The following CPE variants were observed in gnomAD, a reference collection of about 807,000 sequenced individuals.
The protein encoded by CPE is carboxypeptidase E.
Under a neutral mutation model 53.5 loss-of-function variants are expected in CPE, and 17 were observed. The ratio of observed to expected loss-of-function variants is 0.32; its 90% CI spans 0.22 to 0.48. CPE has a LOEUF of 0.48. Ranked by LOEUF, CPE falls within the 20% of genes least tolerant of loss-of-function variation. The pLI is 0.99. For synonymous variants in CPE, 226 were observed against 228.8 expected (o/e 0.99, Z 0.11); for missense variants, 524 against 614.7 (o/e 0.85, Z 1.56).
chr4:165,438,675 A>T (rs1256054899), intron 1 of CPE, among the ~76,000 whole-genome samples: 2 of 152,244 alleles, frequency 1.3e-5, no homozygotes, highest in Admixed American at 6.5e-5. Context: ...ACATGGTTTT[A>T]AAAAGATGAA....
chr4:165,472,228 G>A (rs1732219577), intron 3 of CPE, among the ~76,000 whole-genome samples: 1 of 152,194 alleles, frequency 6.6e-6, no homozygotes, highest in African/African-American at 2.4e-5. Context: ...AGCTCTCCAT[G>A]AGAGTCCTGA....
In CPE at chr4:165,431,450, G is replaced by A. The variant is rs549312522; in HGVS notation, c.308-32940G>A. Among the ~76,000 whole-genome samples the A allele has an allele frequency of 7.0e-4, 106 of 152,278 alleles. 1 individual carries two copies. Among genetic ancestry groups the A allele is most frequent in the African/African-American group, 2.4e-3 (99 of 41,552 alleles). ...AAATTATGTTTAGGGCACAAACTAT[G>A]TTTAGGGCACTAGGCCAGGTAGTTT... is the stretch of plus-strand genomic sequence containing the variant. On this transcript the variant is annotated intron_variant, in intron 1 of 8. Coordinates refer to ENST00000402744, the MANE Select transcript of CPE (RefSeq NM_001873.4).
At chr4:165,464,198 C>T (rs1003367285) in intron 1 of CPE, among the ~76,000 whole-genome samples, 192 bp from the exon 2 acceptor site, 4 of 152,080 alleles carry the variant, frequency 2.6e-5, no homozygotes, top group African/African-American at 9.7e-5. Flanking sequence ...CAGTCCATAA[C>T]AGGTGGGTAG....
intron 1 of CPE, among the ~76,000 whole-genome samples, chr4:165,409,194 T>C (rs1730998175): frequency 6.7e-6 from 1 of 149,556 alleles, no homozygotes; most frequent in Admixed American, 6.6e-5. Context: ...GGGAAAGTGA[T>C]GGGAGTGAGG....
chr4:165,416,883 T>C (rs72703611), intron 1 of CPE, among the ~76,000 whole-genome samples: 6,953 of 151,932 alleles, frequency 0.046, 241 homozygotes, highest in East Asian at 0.15. Flanking sequence ...CAGTGGGGAC[T>C]CAGAAAATAT....
At chr4:165,447,826 T>A (rs1731744052) in intron 1 of CPE, among the ~76,000 whole-genome samples, 1 of 152,000 alleles carries the variant, frequency 6.6e-6, no homozygotes, top group Admixed American at 6.6e-5. Context: ...ATTCTTTTTT[T>A]AAAAAAACAA....
intron 1 of CPE, among the ~76,000 whole-genome samples, chr4:165,420,612 T>C (rs1303162834): frequency 6.6e-6 from 1 of 152,096 alleles, no homozygotes; most frequent in African/African-American, 2.4e-5. Context: ...ACAGTGTTGG[T>C]ACTTTATATT....
intron 1 of CPE, among the ~76,000 whole-genome samples, chr4:165,451,836 T>C (rs1731817303): frequency 6.6e-6 from 1 of 152,090 alleles, no homozygotes; most frequent in African/African-American, 2.4e-5. Flanking sequence ...AAACCGAGGC[T>C]AGGGGTTATT....
Position 165,382,410 on chromosome 4 carries a change from C to G in CPE, c.307+2882C>G, listed in dbSNP as rs143961340. Among the ~76,000 whole-genome samples, 512 of 152,252 alleles carry G rather than the reference C, an allele frequency of 3.4e-3. 7 individuals carry two copies. Among genetic ancestry groups the G allele is most frequent in the African/African-American group, 9.4e-3 (390 of 41,540 alleles). On this transcript the variant is annotated intron_variant, in intron 1 of 8. Coordinates refer to ENST00000402744, the MANE Select transcript of CPE (RefSeq NM_001873.4). ...TACCTTATTTTTTGGTTTGAAATAA[C>G]CTTTCTGATTCAGCTTTAGGAAATA...
chr4:165,381,552 A>G (rs745459876), intron 1 of CPE: 3 of 267,240 alleles, frequency 1.1e-5, no homozygotes, highest in Non-Finnish European at 2.2e-5. Context: ...ATTCCTTTTT[A>G]AATGAAGGAG....
chr4:165,441,683 G>A (rs75086927), intron 1 of CPE, among the ~76,000 whole-genome samples: 1,926 of 152,258 alleles, frequency 0.013, 29 homozygotes, highest in African/African-American at 0.033. Flanking sequence ...GAGTCAAAAT[G>A]TTGAGTTCAA....
At chr4:165,471,045 G>T (rs1293473224) in intron 3 of CPE, among the ~76,000 whole-genome samples, 1 of 152,154 alleles carries the variant, frequency 6.6e-6, no homozygotes. Flanking sequence ...TGGCCTGAAG[G>T]CAAGAGGAGA....
At chr4:165,493,026 T>G in intron 6 of CPE, 145 bp from the exon 7 acceptor site, 1 of 534,924 alleles carries the variant, frequency 1.9e-6, no homozygotes. Context: ...TTCAGTGGCC[T>G]TTTGTGCATG....
intron 1 of CPE, among the ~76,000 whole-genome samples, chr4:165,460,935 T>G (rs1050164520): frequency 1.3e-5 from 2 of 151,480 alleles, no homozygotes; most frequent in Admixed American, 1.3e-4. Flanking sequence ...ACTACATTGA[T>G]GAATGTATAT....
At chr4:165,459,859 G>C (rs1560888663) in intron 1 of CPE, among the ~76,000 whole-genome samples, 1 of 145,446 alleles carries the variant, frequency 6.9e-6, no homozygotes, top group Non-Finnish European at 1.5e-5. Context: ...GGACTGCAGT[G>C]AGCCGAGATT....
chr4:165,419,582 C>T (rs367754787), intron 1 of CPE, among the ~76,000 whole-genome samples: 12 of 152,218 alleles, frequency 7.9e-5, no homozygotes, highest in Admixed American at 3.3e-4. Context: ...ATCATCAAAA[C>T]CAAGTTTCAG....
At chr4:165,406,743 A>G (rs1730960548) in intron 1 of CPE, among the ~76,000 whole-genome samples, 1 of 152,204 alleles carries the variant, frequency 6.6e-6, no homozygotes, top group African/African-American at 2.4e-5. Context: ...ATTAGCAGTT[A>G]TTCCTCATTT....
At chr4:165,444,260 AG>A (rs1731663760) in intron 1 of CPE, among the ~76,000 whole-genome samples, 1 of 152,190 alleles carries the variant, frequency 6.6e-6, no homozygotes, top group Non-Finnish European at 1.5e-5. Context: ...GATGTAACAC[AG>A]ATAGACATCT....
At chr4:165,383,194 G>T (rs1730531864) in intron 1 of CPE, among the ~76,000 whole-genome samples, 1 of 152,118 alleles carries the variant, frequency 6.6e-6, no homozygotes, top group Non-Finnish European at 1.5e-5. Context: ...TAGGCTAGGG[G>T]CTGATTCTAA....
Sources: gnomAD v4.1 joint callset for allele counts (sites outside exome capture counted in the v4.1 genomes callset) on GRCh38, gnomAD v4.1.1 for gene constraint, MANE v1.5 for transcripts, NCBI Gene and HGNC (gene_info 2026-07-23, HGNC 2026-07-21) for gene names.